The following PUS7 variants were observed in gnomAD, a reference collection of about 807,000 sequenced individuals.
The protein encoded by PUS7 is pseudouridine synthase 7.
Under a neutral mutation model 79.8 loss-of-function variants are expected in PUS7, and 48 were observed. The observed-to-expected ratio is 0.60, with a 90% CI of 0.48 to 0.76. The LOEUF (loss-of-function observed/expected upper bound fraction) is 0.76. Among genes scored for constraint, PUS7 ranks in the 30% least tolerant of loss-of-function variants. The probability of loss-of-function intolerance (pLI) is 0.00; values close to 1 mark genes in which losing one functional copy is unlikely to be tolerated. For missense variants in PUS7, 729 were observed against 797.6 expected (o/e 0.91, Z 1.04); for synonymous variants, 286 against 272.2 (o/e 1.05, Z -0.50).
chr7:105,465,959 A>G (rs991558877), intron 12 of PUS7, among the ~76,000 whole-genome samples: 4 of 152,294 alleles, frequency 2.6e-5, no homozygotes, highest in Admixed American at 6.5e-5. Context: ...GGAGTTCCAG[A>G]GCAGCCTAGA....
chr7:105,517,692 G>C (rs1825949540), intron 1 of PUS7, among the ~76,000 whole-genome samples: 1 of 152,138 alleles, frequency 6.6e-6, no homozygotes, highest in Admixed American at 6.6e-5. Flanking sequence ...TGTGAGACCA[G>C]TTTAAGGCTG....
intron 12 of PUS7, among the ~76,000 whole-genome samples, chr7:105,467,601 C>G (rs1823710843): frequency 6.6e-6 from 1 of 151,732 alleles, no homozygotes; most frequent in Non-Finnish European, 1.5e-5. Context: ...TGAAGAAACT[C>G]TTTAAGGTTG....
chr7:105,459,105 T>A (rs1047113307), intron 15 of PUS7, 63 bp downstream of exon 15: 4 of 1,101,816 alleles, frequency 3.6e-6, no homozygotes, highest in Admixed American at 4.7e-5. Flanking sequence ...CAAAAAAAAA[T>A]TATGTTTTTG....
At chr7:105,504,426 C>T (rs371034689) in intron 4 of PUS7, among the ~76,000 whole-genome samples, 4 of 152,084 alleles carry the variant, frequency 2.6e-5, no homozygotes, top group African/African-American at 9.7e-5. Context: ...AACTACATTA[C>T]GATTACAGGT....
At chr7:105,512,909 G>A (rs1412720555) in intron 1 of PUS7, among the ~76,000 whole-genome samples, 1 of 152,202 alleles carries the variant, frequency 6.6e-6, no homozygotes, top group East Asian at 1.9e-4. Context: ...GGAAGTAGTA[G>A]CAGGGACAGG....
chr7:105,469,502 C>G (rs551857328), intron 11 of PUS7, among the ~76,000 whole-genome samples: 185 of 152,294 alleles, frequency 1.2e-3, no homozygotes, highest in South Asian at 0.011. Flanking sequence ...CTTTGTTGCC[C>G]AGGCTGGAGT....
intron 12 of PUS7, among the ~76,000 whole-genome samples, chr7:105,467,589 CT>C (rs1425959478): frequency 5.3e-5 from 8 of 151,690 alleles, no homozygotes; most frequent in Non-Finnish European, 5.9e-5. Context: ...CGCCCAGTGA[CT>C]TGAAGAAACT....
chr7:105,483,864 G>A (rs1320623435), intron 7 of PUS7, among the ~76,000 whole-genome samples: 2 of 152,080 alleles, frequency 1.3e-5, no homozygotes, highest in African/African-American at 4.8e-5. Flanking sequence ...TGTCTGTTTG[G>A]TTTCCACTAA....
chr7:105,478,255 G>C (rs887689304), intron 9 of PUS7, among the ~76,000 whole-genome samples: 6 of 152,070 alleles, frequency 3.9e-5, no homozygotes, highest in Non-Finnish European at 7.4e-5. Context: ...TGGACATTTG[G>C]GTTGTTTCCA....
chr7:105,475,435 T>C (rs957521255), intron 9 of PUS7, among the ~76,000 whole-genome samples: 2 of 152,054 alleles, frequency 1.3e-5, no homozygotes, highest in African/African-American at 2.4e-5. Flanking sequence ...TCTGCCCCCC[T>C]TGGCCTCCTG....
rs775717948 is a variant in PUS7, at chr7:105,462,760, A to C, written c.1628-10T>G. On this transcript the variant is annotated splice_polypyrimidine_tract_variant and intron_variant, in intron 13 of 15. Coordinates refer to ENST00000469408, the MANE Select transcript of PUS7 (RefSeq NM_019042.5). Reference sequence around the variant, plus strand: ...CTGTAGGCTTCTTGAACTAATATAAAATACAAAAAGTTAGTTGAAATGCAG... The same window carrying C: ...CTGTAGGCTTCTTGAACTAATATAACATACAAAAAGTTAGTTGAAATGCAG... 6.2e-7 allele frequency: 1 copy of C among 1,604,322 alleles called. No individual in the cohort carries two copies. Among genetic ancestry groups the C allele is most frequent in the Non-Finnish European group, 8.5e-7 (1 of 1,177,304 alleles).
chr7:105,489,147 CAAAAA>C (rs762504334), intron 7 of PUS7, among the ~76,000 whole-genome samples: 1 of 33,706 alleles, frequency 3.0e-5, no homozygotes, highest in African/African-American at 9.3e-5. Flanking sequence ...AACTCCATCT[CAAAAA>C]AAAAAAAAAA....
intron 5 of PUS7, among the ~76,000 whole-genome samples, chr7:105,496,224 TATAGAGAG>T (rs1825023177): frequency 1.2e-5 from 1 of 83,980 alleles, no homozygotes; most frequent in East Asian, 3.7e-4. Context: ...TATATATATA[TATAGAGAG>T]AGAGAGAGAG....
intron 6 of PUS7, among the ~76,000 whole-genome samples, chr7:105,492,606 C>T (rs1166128766): frequency 1.4e-5 from 2 of 147,088 alleles, no homozygotes; most frequent in Non-Finnish European, 3.0e-5. Flanking sequence ...CCCGGGTTCA[C>T]GCCATTCTCC....
intron 6 of PUS7, among the ~76,000 whole-genome samples, chr7:105,492,765 C>T (rs1824848998): frequency 6.6e-6 from 1 of 152,042 alleles, no homozygotes; most frequent in African/African-American, 2.4e-5. Context: ...CCTCGGCCTC[C>T]CAAAGTGCTG....
chr7:105,494,402 A>ATTTTTTTTTTT (rs756519297), intron 6 of PUS7, among the ~76,000 whole-genome samples: 2 of 87,800 alleles, frequency 2.3e-5, no homozygotes, highest in Admixed American at 1.4e-4. Context: ...ATGATCAGTG[A>ATTTTTTTTTTT]TTTTTTTTTT....
At chr7:105,471,043 C>T (rs1232000687) in intron 10 of PUS7, among the ~76,000 whole-genome samples, 195 bp from the exon 11 acceptor site, 1 of 152,242 alleles carries the variant, frequency 6.6e-6, no homozygotes, top group Non-Finnish European at 1.5e-5. Flanking sequence ...GCTTTGTCAA[C>T]ATACAATCAC....
intron 14 of PUS7, among the ~76,000 whole-genome samples, chr7:105,460,269 G>A (rs1460663074): frequency 2.0e-5 from 3 of 152,120 alleles, no homozygotes; most frequent in Admixed American, 6.5e-5. Flanking sequence ...TTGAGAGTCA[G>A]TAAACTTCAC....
Position 105,491,565 on chromosome 7 carries a change from T to A in PUS7, c.895A>T (p.Thr299Ser). 6.2e-7 allele frequency: 1 copy of A among 1,601,456 alleles called. No homozygotes were observed. Among genetic ancestry groups the A allele is most frequent in the African/African-American group, 1.3e-5 (1 of 74,786 alleles). ...TTGAGAACAGCAATTTCTTGAACTG[T>A]TATAGCCCTTTTATCTTTGGTTCCC... is the stretch of plus-strand genomic sequence containing the variant. Reference protein sequence around the residue: ...YMGTKDKRAITVQEIAVLKIT... With the variant: ...YMGTKDKRAISVQEIAVLKIT... Residue 299 changes from threonine (T) to serine (S), a missense_variant, in exon 7 of 16, where the codon ACA (threonine) becomes TCA (serine). By Grantham distance (58) the Thr-to-Ser change is moderately conservative. Coordinates refer to ENST00000469408, the MANE Select transcript of PUS7 (RefSeq NM_019042.5).
Sources: allele counts gnomAD v4.1 joint callset (sites outside exome capture counted in the v4.1 genomes callset), GRCh38; gene constraint gnomAD v4.1.1; transcripts MANE v1.5; gene names NCBI Gene and HGNC (gene_info 2026-07-23, HGNC 2026-07-21).